CYP2U1: variants seen among roughly 807,000 people sequenced by gnomAD.
CYP2U1 encodes the protein cytochrome P450 family 2 subfamily U member 1.
CYP2U1 carries 28 observed loss-of-function variants against 42.8 expected under a neutral mutation model. The ratio of observed to expected loss-of-function variants is 0.65; its 90% confidence interval spans 0.48 to 0.90. CYP2U1 has a LOEUF of 0.90. CYP2U1 is among the 40% of genes least tolerant of loss of function. The pLI, the probability that CYP2U1 is intolerant of heterozygous loss-of-function variation, is 0.00. For synonymous variants in CYP2U1, 296 were observed against 278.9 expected, an observed-to-expected ratio of 1.06 and a Z score of -0.61; for missense variants, 642 against 693.8, an observed-to-expected ratio of 0.93 and a Z score of 0.84.
At chr4:107,948,471 G>A (rs1288325140) in intron 3 of CYP2U1, among the ~76,000 whole-genome samples, 1 of 152,124 alleles carries the variant, frequency 6.6e-6, no homozygotes, top group African/African-American at 2.4e-5. Context: ...GGCTGAGGCA[G>A]GAGAAGAATC....
At chr4:107,940,711 C>A (rs1257745240) in intron 1 of CYP2U1, 1 of 151,884 alleles carries the variant, frequency 6.6e-6, no homozygotes, top group African/African-American at 2.4e-5. Context: ...AGTTTGCCAA[C>A]CACTCAACTA....
At chr4:107,945,912 C>G (rs1214751694) in intron 2 of CYP2U1, among the ~76,000 whole-genome samples, 1 of 152,184 alleles carries the variant, frequency 6.6e-6, no homozygotes, top group African/African-American at 2.4e-5. Flanking sequence ...TAATGCTGAT[C>G]TGAACACATC....
At chr4:107,935,657 A>G (rs1157948687) in intron 1 of CYP2U1, 1 of 152,218 alleles carries the variant, frequency 6.6e-6, no homozygotes, top group Non-Finnish European at 1.5e-5. Flanking sequence ...TGATCATCAA[A>G]GGATGAAGGA....
In CYP2U1 at chr4:107,932,084, C is replaced by A; in HGVS notation, c.441C>A (p.Phe147Leu). ...REALVQQAEV[F>L]SDRPRVPLIS... is the part of the protein sequence containing the mutation. ...CGCTGGTGCAGCAGGCCGAGGTCTT[C>A]AGCGACCGCCCGCGGGTGCCGCTCA... is the stretch of plus-strand genomic sequence containing the variant. Residue 147 changes from phenylalanine (F) to leucine (L), a missense_variant, in exon 1 of 5, where the codon TTC (phenylalanine) becomes TTA (leucine). Physicochemically the swap from Phe to Leu is conservative, Grantham distance 22. Coordinates refer to ENST00000332884, the MANE Select transcript of CYP2U1 (RefSeq NM_183075.3). 1.3e-6 allele frequency: 2 copies of A among 1,596,158 alleles called. No homozygotes were observed. Among genetic ancestry groups the A allele is most frequent in the South Asian group, 1.1e-5 (1 of 87,998 alleles).
rs537656274 is a variant in CYP2U1 at position 107,934,507 on chromosome 4, G to T, written c.490+2374G>T. On this transcript the variant is annotated intron_variant, in intron 1 of 4. Transcript: ENST00000332884. ...TAGAAGCCTCTTAACCGACCTGCTT[G>T]CTTCCGCTCCAGATTTTCATCCACA... 4.6e-5 allele frequency among the ~76,000 whole-genome samples: 7 copies of T among 152,110 alleles called. No homozygotes were observed. The East Asian group carries it at 1.4e-3, about 29-fold the overall frequency.
chr4:107,948,800 A>C (rs909301764), intron 3 of CYP2U1, among the ~76,000 whole-genome samples: 1 of 152,180 alleles, frequency 6.6e-6, no homozygotes, highest in Non-Finnish European at 1.5e-5. Flanking sequence ...GCCGTTGCTT[A>C]TACATGACAT....
Position 107,945,314 on chromosome 4 carries a change from C to A in CYP2U1, c.835C>A (p.Leu279Ile). ...CAACATATGCCCTTGGCTTTATTAC[C>A]TTCCCTTTGGACCATTTAAGGAATT... ...LVNICPWLYY[L>I]PFGPFKELRQ... The change falls in exon 2 of 5, where the codon CTT becomes ATT. Residue 279 changes from leucine (L) to isoleucine (I), a missense_variant. Coordinates refer to ENST00000332884, the MANE Select transcript of CYP2U1 (RefSeq NM_183075.3). The A allele has an allele frequency of 6.2e-7, 1 of 1,614,066 alleles. No individual in the cohort carries two copies.
At chr4:107,938,203 A>G (rs199738490) in intron 1 of CYP2U1, 1 of 152,240 alleles carries the variant, frequency 6.6e-6, no homozygotes, top group East Asian at 1.9e-4. Context: ...ACTGACCAAA[A>G]GTAGACTGAT....
chr4:107,938,332 G>C (rs1733352921), intron 1 of CYP2U1: 1 of 152,206 alleles, frequency 6.6e-6, no homozygotes, highest in Admixed American at 6.5e-5. Context: ...GGCATAGTTA[G>C]AAACCTCAAG....
chr4:107,941,081 A>C (rs992614236), intron 1 of CYP2U1: 2 of 152,078 alleles, frequency 1.3e-5, no homozygotes, highest in African/African-American at 2.4e-5. Context: ...TTTTTGACAA[A>C]AGGTACTCTA....
At chr4:107,940,990 C>T (rs190939550) in intron 1 of CYP2U1, 67 of 151,698 alleles carry the variant, frequency 4.4e-4, no homozygotes, top group Middle Eastern at 6.8e-3. Context: ...GAGACATTCC[C>T]CCAACATAAG....
In CYP2U1 at chr4:107,950,281, T is replaced by C. The variant is rs752917310; in HGVS notation, c.1493T>C (p.Met498Thr). Residue 498 changes from methionine to threonine, a missense_variant, in exon 5 of 5, where the codon ATG becomes ACG. Met to Thr is a moderately conservative substitution (Grantham distance 81). Coordinates refer to ENST00000332884, the MANE Select transcript of CYP2U1 (RefSeq NM_183075.3). ...RVCMGEQLAK[M>T]ELFLMFVSLM... ...TGTATGGGAGAACAACTGGCAAAGA[T>C]GGAATTATTCCTAATGTTTGTGAGC... 7.4e-6 allele frequency: 12 copies of C among 1,613,140 alleles called. No homozygotes were observed. The highest frequency in any genetic ancestry group is 4.5e-5 in the East Asian group (2 of 44,864).
Position 107,931,603 on chromosome 4 carries a change from C to G in CYP2U1, c.-41C>G, listed in dbSNP as rs1199435459. ...TCAGGCAGCTGCGTGCGCGTCTCCT[C>G]CAGGCAGCAAGGGGAACCCGAGGCC... is the stretch of plus-strand genomic sequence containing the variant. On this transcript the variant is annotated 5_prime_UTR_variant, in exon 1 of 5. Transcript: ENST00000332884. 1 of 1,245,408 alleles carries G rather than the reference C, an allele frequency of 8.0e-7. No homozygotes were observed. Among genetic ancestry groups the G allele is most frequent in the East Asian group, 3.1e-5 (1 of 31,810 alleles). The allele number at this position is 1,245,408 out of a possible 1,614,324, so 77.1% of individuals were successfully genotyped here. A position where few individuals can be genotyped will look rare whatever the true frequency, so the allele number is the denominator to read the frequency against.
chr4:107,938,797 G>A (rs766485045), intron 1 of CYP2U1: 4 of 152,098 alleles, frequency 2.6e-5, no homozygotes, highest in South Asian at 2.1e-4. Flanking sequence ...TGATAAGATC[G>A]AGGACCTAAC....
Position 107,943,087 on chromosome 4 carries a change from G to A in CYP2U1, c.491-1883G>A, listed in dbSNP as rs529699563. The stretch of plus-strand genomic sequence containing the variant: ...AGAATAGGAAATCTGGCCAATAACC[G>A]TATAAAAAGCTGCTCTGACCCACTG... On this transcript the variant is annotated intron_variant, in intron 1 of 4. Transcript: ENST00000332884. Among the ~76,000 whole-genome samples the A allele has an allele frequency of 4.5e-4, 69 of 152,246 alleles. 2 individuals are homozygous for A. Among genetic ancestry groups the A allele is most frequent in the African/African-American group, 1.6e-3 (65 of 41,554 alleles).
intron 1 of CYP2U1, chr4:107,939,191 T>G (rs1177784604): frequency 6.6e-6 from 1 of 151,732 alleles, no homozygotes; most frequent in Non-Finnish European, 1.5e-5. Context: ...GGAGAGAGGG[T>G]AGGTGGGATT....
chr4:107,949,290 CA>C, intron 3 of CYP2U1, 59 bp from the exon 4 acceptor site: 1 of 1,361,774 alleles, frequency 7.3e-7, no homozygotes, highest in Non-Finnish European at 9.6e-7. Context: ...TAATGATGTT[CA>C]GGGAGAACTA....
In CYP2U1 at chr4:107,931,979, C is replaced by T. The variant is rs763547405; in HGVS notation, c.336C>T (p.Arg112=). The change falls in exon 1 of 5, where the codon CGC becomes CGT. Residue 112 remains arginine (R), a synonymous_variant. Coordinates refer to ENST00000332884, the MANE Select transcript of CYP2U1 (RefSeq NM_183075.3). ...GPQVLLAHLA[R]VYGSIFSFFI... is the part of the protein sequence containing the mutation. ...AGGTGCTCCTGGCTCACCTAGCCCG[C>T]GTGTACGGCAGCATCTTCAGCTTCT... 12 of 1,552,592 alleles carry T rather than the reference C, an allele frequency of 7.7e-6. No homozygotes were observed. The highest frequency in any genetic ancestry group is 5.9e-5 in the Admixed American group (3 of 51,142).
Position 107,950,543 on chromosome 4 carries a change from G to C in CYP2U1, c.*120G>C. ...TCAGTGGATCCAAGCTGGGCTCAGA[G>C]GTCGGAAGGAGGGTAGAGCACACTG... On this transcript the variant is annotated 3_prime_UTR_variant, in exon 5 of 5. Coordinates refer to ENST00000332884, the MANE Select transcript of CYP2U1 (RefSeq NM_183075.3). 1 of 1,113,722 alleles carries C rather than the reference G, an allele frequency of 9.0e-7. No individual in the cohort carries two copies. The highest frequency in any genetic ancestry group is 1.6e-5 in the African/African-American group (1 of 63,148). 69.0% of individuals were successfully genotyped at this position (1,113,722 alleles called of 1,614,324 possible). A position where few individuals can be genotyped will look rare whatever the true frequency, so the allele number is the denominator to read the frequency against.
Sources: gnomAD v4.1 joint callset for allele counts (sites outside exome capture counted in the v4.1 genomes callset) on GRCh38, gnomAD v4.1.1 for gene constraint, MANE v1.5 for transcripts, NCBI Gene and HGNC (gene_info 2026-07-23, HGNC 2026-07-21) for gene names.